Variants in PVR observed in about 807,000 individuals in gnomAD.
PVR encodes the protein poliovirus receptor.
PVR carries 39 observed loss-of-function variants against 43.3 expected under a neutral mutation model. The ratio of observed to expected loss-of-function variants is 0.90; its 90% CI spans 0.70 to 1.18. The LOEUF (loss-of-function observed/expected upper bound fraction) is 1.18. PVR is among the 50% of genes most tolerant of loss of function. The pLI is 0.00. For synonymous variants in PVR, 224 were observed against 233.2 expected (o/e 0.96, Z 0.36); for missense variants, 480 against 549.7 (o/e 0.87, Z 1.27).
At position 44,643,920 on chromosome 19, in the gene PVR, C is replaced by G; in HGVS notation, c.-177C>G. 2.0e-6 allele frequency: 1 copy of G among 497,364 alleles called. No homozygotes were observed. The highest frequency in any genetic ancestry group is 3.5e-6 in the Non-Finnish European group (1 of 288,628). 30.8% of individuals were successfully genotyped at this position (497,364 alleles called of 1,614,324 possible). ...ACTCCCCTCCGCTCCAGTCACTTGTCTGGAGCTTGAAGAAGTGGGTATTCC... is the reference window on the plus strand; with the variant it reads ...ACTCCCCTCCGCTCCAGTCACTTGTGTGGAGCTTGAAGAAGTGGGTATTCC... On this transcript the variant is annotated 5_prime_UTR_variant, in exon 1 of 8. Coordinates refer to ENST00000425690, the MANE Select transcript of PVR (RefSeq NM_006505.5).
At chr19:44,648,008 C>A (rs60052241) in intron 2 of PVR, among the ~76,000 whole-genome samples, 8,619 of 152,136 alleles carry the variant, frequency 0.057, 326 homozygotes, top group South Asian at 0.16. Flanking sequence ...GTCTGTCTGC[C>A]CCCTTGGACT....
Position 44,663,702 on chromosome 19 carries a change from A to G in PVR, c.*1891A>G, listed in dbSNP as rs756532643. ...AGCAAGACGCTAAATGAAGAGGGCC[A>G]TAAGGGCTGGGATTCCCAGGCACCT... On this transcript the variant is annotated 3_prime_UTR_variant, in exon 8 of 8. Transcript: ENST00000425690. The G allele has an allele frequency of 2.0e-5, 3 of 152,072 alleles. No homozygotes were observed. Among genetic ancestry groups the G allele is most frequent in the Non-Finnish European group, 2.9e-5 (2 of 67,998 alleles). 9.4% of individuals were successfully genotyped at this position (152,072 alleles called of 1,614,324 possible). A position where few individuals can be genotyped will look rare whatever the true frequency, so the allele number is the denominator to read the frequency against.
Position 44,657,898 on chromosome 19 carries a change from GT to G in PVR, c.980del (p.Val327AlafsTer30). The G allele has an allele frequency of 6.2e-7, 1 of 1,613,508 alleles. No homozygotes were observed. The highest frequency in any genetic ancestry group is 8.5e-7 in the Non-Finnish European group (1 of 1,179,742). ...AGGAGCTCGCCAGGCAGAACTGACC[GT>G]CCAGGTCAAAGGTGAGGAACTCCCT... is the stretch of plus-strand genomic sequence containing the variant. ...ALGARQAELT[V>X]QVKEGPPSEH... On this transcript the variant is annotated frameshift_variant, in exon 5 of 8. Coordinates refer to ENST00000425690, the MANE Select transcript of PVR (RefSeq NM_006505.5). LOFTEE classifies it high-confidence loss of function.
Position 44,661,946 on chromosome 19 carries a change from C to T in PVR, c.*135C>T, listed in dbSNP as rs1009744894. 1.7e-5 allele frequency: 13 copies of T among 759,706 alleles called. No homozygotes were observed. In the African/African-American group the frequency reaches 1.7e-4, roughly 10 times the overall value. 47.1% of individuals were successfully genotyped at this position (759,706 alleles called of 1,614,324 possible). ...CTCCCTGTGCCAGACCTCAAAACGA[C>T]GGGGGCAGGTGCAAGTTCATAGGTC... On this transcript the variant is annotated 3_prime_UTR_variant, in exon 8 of 8. Transcript: ENST00000425690.
chr19:44,654,725 A>G (rs1488263627), intron 4 of PVR, among the ~76,000 whole-genome samples: 1 of 152,196 alleles, frequency 6.6e-6, no homozygotes, highest in Non-Finnish European at 1.5e-5. Context: ...TTCTTAAAAC[A>G]TTATGAGACT....
At chr19:44,659,898 C>G (rs1259435655) in intron 6 of PVR, among the ~76,000 whole-genome samples, 1 of 152,230 alleles carries the variant, frequency 6.6e-6, no homozygotes, top group East Asian at 1.9e-4. Flanking sequence ...AATGGTCAAA[C>G]AGCTGGACAT....
rs1164269847 is a variant in PVR at position 44,657,863 on chromosome 19, C to G, written c.944C>G (p.Thr315Ser). 6.2e-7 allele frequency: 1 copy of G among 1,613,864 alleles called. No homozygotes were observed. The highest frequency in any genetic ancestry group is 8.5e-7 in the Non-Finnish European group (1 of 1,179,952). The change falls in exon 5 of 8, where the codon ACC (threonine) becomes AGC (serine). Residue 315 changes from threonine (T) to serine (S), a missense_variant. By Grantham distance (58) the Thr-to-Ser change is moderately conservative. Transcript: ENST00000425690. The stretch of plus-strand genomic sequence containing the variant: ...AACACAACTTTAATCTGCAACGTCA[C>G]CAATGCCCTAGGAGCTCGCCAGGCA... The part of the protein sequence containing the change: ...PINTTLICNV[T>S]NALGARQAEL...
chr19:44,664,542 G>A lies in PVR; in HGVS notation c.*2731G>A, dbSNP rs1171276477. The A allele has an allele frequency of 6.6e-6, 1 of 151,600 alleles. No individual in the cohort carries two copies. Among genetic ancestry groups the A allele is most frequent in the Non-Finnish European group, 1.5e-5 (1 of 67,952 alleles). 9.4% of individuals were successfully genotyped at this position (151,600 alleles called of 1,614,324 possible). The stretch of plus-strand genomic sequence containing the variant: ...CCTTACTTTTTTTGCTCAGTTTCTG[G>A]TAATTCAGAGAATGCCTCCTGAGTT... On this transcript the variant is annotated 3_prime_UTR_variant, in exon 8 of 8. Transcript: ENST00000425690.
chr19:44,649,086 C>T (rs764258242), intron 2 of PVR, among the ~76,000 whole-genome samples: 6 of 152,148 alleles, frequency 3.9e-5, no homozygotes, highest in Non-Finnish European at 7.4e-5. Flanking sequence ...CTCCACTGAG[C>T]CCCAGACCAG....
chr19:44,661,432 G>A, intron 7 of PVR, 109 bp downstream of exon 7: 1 of 1,222,158 alleles, frequency 8.2e-7, no homozygotes, highest in Non-Finnish European at 1.2e-6. Flanking sequence ...TTTTCTCCTG[G>A]TGCCTCGAGC....
intron 4 of PVR, 70 bp from the exon 5 acceptor site, chr19:44,657,692 G>A (rs1215449531): frequency 2.6e-6 from 4 of 1,527,324 alleles, no homozygotes; most frequent in Non-Finnish European, 3.6e-6. Context: ...TGGGCACGTA[G>A]TGCGTGCTCA....
chr19:44,657,312 G>T (rs548181125), intron 4 of PVR, among the ~76,000 whole-genome samples: 1 of 152,204 alleles, frequency 6.6e-6, no homozygotes, highest in Non-Finnish European at 1.5e-5. Flanking sequence ...GCCAGATCAC[G>T]TGGGGCCTGT....
At chr19:44,657,628 TG>T in intron 4 of PVR, 133 bp from the exon 5 acceptor site, 1 of 789,706 alleles carries the variant, frequency 1.3e-6, no homozygotes, top group Non-Finnish European at 2.0e-6. Context: ...AGGGAAGAGT[TG>T]GGGGGCCTCC....
rs758210219 is a variant in PVR, at chr19:44,657,870, C to T, written c.951C>T (p.Ala317=). The change falls in exon 5 of 8, where the codon GCC becomes GCT. Residue 317 remains alanine, a synonymous_variant. Transcript: ENST00000425690. The part of the protein sequence containing the change: ...NTTLICNVTN[A]LGARQAELTV... ...CTTTAATCTGCAACGTCACCAATGC[C>T]CTAGGAGCTCGCCAGGCAGAACTGA... The T allele has an allele frequency of 1.2e-6, 2 of 1,613,948 alleles. No homozygotes were observed.
chr19:44,644,823 CT>C (rs1414852101), intron 1 of PVR, among the ~76,000 whole-genome samples: 2 of 148,536 alleles, frequency 1.3e-5, no homozygotes, highest in Non-Finnish European at 3.0e-5. Context: ...TCAAGCGATT[CT>C]CCTGCTTCAG....
At chr19:44,660,533 G>C (rs1036258918) in intron 6 of PVR, among the ~76,000 whole-genome samples, 3 of 151,730 alleles carry the variant, frequency 2.0e-5, no homozygotes, top group African/African-American at 7.3e-5. Flanking sequence ...TTTGTGTTTT[G>C]TTTTGAGACA....
At position 44,665,988 on chromosome 19, in the gene PVR, C is replaced by T. The variant is rs1245503128; in HGVS notation, c.*4177C>T. ...GAAGGCTGGACCAAACAGGACCTGC[C>T]CTCTGGGGCTGGGGAGAGGCCCAGA... On this transcript the variant is annotated 3_prime_UTR_variant, in exon 8 of 8. Coordinates refer to ENST00000425690, the MANE Select transcript of PVR (RefSeq NM_006505.5). 6.6e-6 allele frequency: 1 copy of T among 152,296 alleles called. No homozygotes were observed. Among genetic ancestry groups the T allele is most frequent in the East Asian group, 1.9e-4 (1 of 5,202 alleles). 9.4% of individuals were successfully genotyped at this position (152,296 alleles called of 1,614,324 possible). A position where few individuals can be genotyped will look rare whatever the true frequency, so the allele number is the denominator to read the frequency against.
chr19:44,651,470 A>C (rs1201585556), intron 3 of PVR, among the ~76,000 whole-genome samples: 5 of 152,178 alleles, frequency 3.3e-5, no homozygotes, highest in Admixed American at 6.5e-5. Context: ...AGCCACGATC[A>C]ACTGTCTCCG....
At chr19:44,651,810 T>C (rs1973287279) in intron 3 of PVR, among the ~76,000 whole-genome samples, 1 of 152,226 alleles carries the variant, frequency 6.6e-6, no homozygotes, top group African/African-American at 2.4e-5. Context: ...AGAAATAGCA[T>C]GCAAGCTGCA....
Sources: allele counts gnomAD v4.1 joint callset (sites outside exome capture counted in the v4.1 genomes callset), GRCh38; gene constraint gnomAD v4.1.1; transcripts MANE v1.5; gene names NCBI Gene and HGNC (gene_info 2026-07-23, HGNC 2026-07-21).